CUBN: variants seen among roughly 807,000 people sequenced by gnomAD.
The protein encoded by CUBN is 460 kDa receptor.
In CUBN, 282 loss-of-function variants were observed where a neutral mutation model predicts 405.3. The ratio of observed to expected loss-of-function variants is 0.70; its 90% CI spans 0.63 to 0.77. The LOEUF (loss-of-function observed/expected upper bound fraction) is 0.77, where lower values mean the gene tolerates loss of function less well. Among genes scored for constraint, CUBN ranks in the 30% least tolerant of loss-of-function variants. The pLI, the probability that CUBN is intolerant of heterozygous loss-of-function variation, is 0.00. For missense variants in CUBN, 4,514 were observed against 4,475.2 expected (o/e 1.01, Z -0.25); for synonymous variants, 1,684 against 1,617.0 (o/e 1.04, Z -0.99).
intron 31 of CUBN, among the ~76,000 whole-genome samples, chr10:16,967,337 G>C (rs1395019336): frequency 1.3e-5 from 2 of 152,154 alleles, no homozygotes; most frequent in Non-Finnish European, 2.9e-5. Flanking sequence ...AAGATTCCTG[G>C]AAATGTTGAC....
chr10:16,972,209 G>T (rs1303925740), intron 31 of CUBN, among the ~76,000 whole-genome samples: 1 of 151,982 alleles, frequency 6.6e-6, no homozygotes, highest in East Asian at 1.9e-4. Context: ...CCCAGGAGTT[G>T]GCTTGGCCCC....
chr10:17,018,738 A>C (rs12263157), intron 28 of CUBN, among the ~76,000 whole-genome samples: 2 of 152,068 alleles, frequency 1.3e-5, no homozygotes, highest in African/African-American at 4.8e-5. Flanking sequence ...GCACTGATTC[A>C]TACATTTTAC....
intron 10 of CUBN, among the ~76,000 whole-genome samples, chr10:17,106,555 G>A (rs1169105913): frequency 2.8e-5 from 4 of 145,352 alleles, no homozygotes; most frequent in African/African-American, 1.0e-4. Flanking sequence ...CCAAGATCCT[G>A]CCACTGCACT....
chr10:16,945,945 TG>T (rs1427494405), intron 36 of CUBN, among the ~76,000 whole-genome samples: 1 of 152,192 alleles, frequency 6.6e-6, no homozygotes, highest in Admixed American at 6.5e-5. Flanking sequence ...TGTTTGAACT[TG>T]GTCCACAAAT....
Position 16,915,849 on chromosome 10 carries a change from GA to G in CUBN, c.7181del (p.Phe2394SerfsTer26), listed in dbSNP as rs1204728403. 2 of 1,613,684 alleles carry G rather than the reference GA, an allele frequency of 1.2e-6. No homozygotes were observed. The highest frequency in any genetic ancestry group is 1.7e-6 in the Non-Finnish European group (2 of 1,179,958). On this transcript the variant is annotated frameshift_variant, in exon 46 of 67. Transcript: ENST00000377833. LOFTEE classifies it high-confidence loss of function. ...LQNSSGCEKD[F>X]VEIWDNHTSG... Reference sequence around the variant, plus strand: ...AGGTATGATTGTCCCAGATCTCCACGAAGTCTTTTTCACAGCCAGAAGAATT... The same window carrying G: ...AGGTATGATTGTCCCAGATCTCCACGAGTCTTTTTCACAGCCAGAAGAATT...
chr10:16,983,220 T>G (rs919413223), intron 30 of CUBN, among the ~76,000 whole-genome samples: 1 of 152,192 alleles, frequency 6.6e-6, no homozygotes, highest in Non-Finnish European at 1.5e-5. Flanking sequence ...TGGCACTATT[T>G]TCTAATAATG....
Position 16,876,965 on chromosome 10 carries a change from AC to A in CUBN, c.9037del (p.Val3013PhefsTer22). The stretch of plus-strand genomic sequence containing the variant: ...CTCGTTGGAGTAGAAGTTAAGCAGA[AC>A]CGGCCCAGCGATGGTGAGGGGAGCT... ...MPAPLTIAGP[V>X]LLNFYSNEQI... On this transcript the variant is annotated frameshift_variant, in exon 57 of 67. Transcript: ENST00000377833. LOFTEE classifies it high-confidence loss of function. The A allele has an allele frequency of 6.2e-7, 1 of 1,614,170 alleles. No individual in the cohort carries two copies. Among genetic ancestry groups the A allele is most frequent in the South Asian group, 1.1e-5 (1 of 91,080 alleles).
At chr10:16,827,221 C>T (rs1051459989) in intron 66 of CUBN, among the ~76,000 whole-genome samples, 1 of 152,150 alleles carries the variant, frequency 6.6e-6, no homozygotes, top group Non-Finnish European at 1.5e-5. Flanking sequence ...TTAGGCCACA[C>T]TCGTGCAACG....
intron 43 of CUBN, 106 bp downstream of exon 43, chr10:16,925,135 A>C: frequency 1.2e-6 from 1 of 820,326 alleles, no homozygotes; most frequent in Non-Finnish European, 2.1e-6. Flanking sequence ...GAGAGTAGGC[A>C]TTCTTATTAA....
chr10:17,008,300 C>G (rs1009992777), intron 28 of CUBN, among the ~76,000 whole-genome samples: 8 of 132,886 alleles, frequency 6.0e-5, no homozygotes, highest in African/African-American at 2.3e-4. Context: ...GTAATTTTTA[C>G]ATTTATTTAG....
intron 31 of CUBN, among the ~76,000 whole-genome samples, chr10:16,981,968 A>T (rs1297508701): frequency 1.3e-5 from 2 of 152,228 alleles, no homozygotes; most frequent in African/African-American, 4.8e-5. Context: ...ATCCTGTGAA[A>T]ATCCCAGATG....
intron 40 of CUBN, among the ~76,000 whole-genome samples, chr10:16,929,685 T>C (rs887420578): frequency 3.3e-5 from 5 of 152,226 alleles, no homozygotes; most frequent in African/African-American, 9.6e-5. Flanking sequence ...AATTCAAAAG[T>C]GTATCTCTTA....
Position 17,068,273 on chromosome 10 carries a change from T to C in CUBN, c.2799A>G (p.Gly933=). 1 of 1,613,598 alleles carries C rather than the reference T, an allele frequency of 6.2e-7. No homozygotes were observed. The highest frequency in any genetic ancestry group is 8.5e-7 in the Non-Finnish European group (1 of 1,179,596). The part of the protein sequence containing the change: ...AKFSAEDLAC[G]EILTESTGTI... ...TCCCTGTTGATTCTGTAAGAATTTC[T>C]CCACATGCTGTTGAAATAAAAATTA... The change falls in exon 21 of 67, where the codon GGA becomes GGG. Residue 933 remains glycine, a synonymous_variant. Coordinates refer to ENST00000377833, the MANE Select transcript of CUBN (RefSeq NM_001081.4).
intron 17 of CUBN, among the ~76,000 whole-genome samples, chr10:17,083,506 A>AAAATAAATAAAT (rs1021728860): frequency 5.4e-5 from 8 of 147,584 alleles, no homozygotes; most frequent in African/African-American, 1.8e-4. Context: ...ACTCCGTCTC[A>AAAATAAATAAAT]AAATAAATAA....
intron 28 of CUBN, among the ~76,000 whole-genome samples, chr10:17,008,405 C>T (rs1214382170): frequency 2.1e-5 from 3 of 144,594 alleles, no homozygotes; most frequent in Non-Finnish European, 4.5e-5. Flanking sequence ...TTTATTTTGG[C>T]CCCATGGCTG....
intron 36 of CUBN, among the ~76,000 whole-genome samples, chr10:16,944,158 G>T (rs541216604): frequency 6.6e-6 from 1 of 152,082 alleles, no homozygotes; most frequent in African/African-American, 2.4e-5. Flanking sequence ...CCACCAAACC[G>T]CAGGGGTGAA....
At chr10:16,967,606 T>A (rs1843427428) in intron 31 of CUBN, among the ~76,000 whole-genome samples, 2 of 151,820 alleles carry the variant, frequency 1.3e-5, no homozygotes, top group African/African-American at 4.8e-5. Flanking sequence ...TTGAAAAAGA[T>A]CATCCTCAAG....
At chr10:17,021,326 C>A (rs1016029284) in intron 27 of CUBN, among the ~76,000 whole-genome samples, 3 of 152,204 alleles carry the variant, frequency 2.0e-5, no homozygotes, top group African/African-American at 7.2e-5. Flanking sequence ...ACACAAAAAT[C>A]TCTCTACTAT....
Position 16,876,996 on chromosome 10 carries a change from T to A in CUBN, c.9007A>T (p.Met3003Leu), listed in dbSNP as rs754365222. 1.2e-5 allele frequency: 20 copies of A among 1,613,984 alleles called. No individual in the cohort carries two copies. In the South Asian group the frequency reaches 2.2e-4, roughly 18 times the overall value. Residue 3003 changes from methionine (M) to leucine (L), a missense_variant, in exon 57 of 67, where the codon ATG (methionine) becomes TTG (leucine). Met to Leu is a conservative substitution (Grantham distance 15). Around this residue, in one of 5 missense-constraint regions of CUBN, gnomAD observed 1,186 missense variants for 1,186.9 expected, o/e 1.00. Coordinates refer to ENST00000377833, the MANE Select transcript of CUBN (RefSeq NM_001081.4). ...TPFATVCGDE[M>L]PAPLTIAGPV... The stretch of plus-strand genomic sequence containing the variant: ...CCAGCGATGGTGAGGGGAGCTGGCA[T>A]CTCATCCCCACACACAGTAGCAAAT...
Sources: allele counts gnomAD v4.1 joint callset (sites outside exome capture counted in the v4.1 genomes callset), GRCh38; gene constraint gnomAD v4.1.1; regional missense constraint gnomAD v4.1.1; transcripts MANE v1.5; gene names NCBI Gene and HGNC (gene_info 2026-07-23, HGNC 2026-07-21).